The following CFAP53 variants were observed in gnomAD, a reference collection of about 807,000 sequenced individuals.
CFAP53 encodes the protein cilia and flagella associated protein 53, also known as cilia- and flagella-associated protein 53.
Under a neutral mutation model 59.7 loss-of-function variants are expected in CFAP53, and 62 were observed. That is an observed-to-expected ratio of 1.04 (90% CI 0.85 to 1.28). The LOEUF (loss-of-function observed/expected upper bound fraction) is 1.28. Ranked by LOEUF, CFAP53 falls within the 50% of genes most tolerant of loss-of-function variation. The pLI is 0.00. For missense variants in CFAP53, 629 were observed against 615.6 expected (o/e 1.02, Z -0.23); for synonymous variants, 218 against 205.7 (o/e 1.06, Z -0.51).
chr18:50,241,554 T>C (rs1599118669), intron 6 of CFAP53, among the ~76,000 whole-genome samples: 2 of 152,232 alleles, frequency 1.3e-5, no homozygotes, highest in Non-Finnish European at 1.5e-5. Context: ...TCCCTAAGTG[T>C]CGGCTGGTCT....
intron 6 of CFAP53, 82 bp from the exon 7 acceptor site, chr18:50,238,787 T>G (rs1250627198): frequency 1.0e-6 from 1 of 989,990 alleles, no homozygotes; most frequent in South Asian, 1.4e-5. Flanking sequence ...AGAGTCATAT[T>G]GTCTTTAGAA....
intron 5 of CFAP53, among the ~76,000 whole-genome samples, chr18:50,247,064 T>C (rs539184638): frequency 5.3e-4 from 81 of 151,678 alleles, no homozygotes; most frequent in African/African-American, 1.9e-3. Flanking sequence ...AAAGAACTCT[T>C]ACAATTCAAT....
At chr18:50,243,660 A>G (rs1432717737) in intron 5 of CFAP53, among the ~76,000 whole-genome samples, 1 of 152,176 alleles carries the variant, frequency 6.6e-6, no homozygotes. Flanking sequence ...TTTACAAAGT[A>G]TTGACATCTG....
At chr18:50,251,068 C>G in intron 4 of CFAP53, 92 bp from the exon 5 acceptor site, 1 of 1,038,186 alleles carries the variant, frequency 9.6e-7, no homozygotes, top group Non-Finnish European at 1.5e-6. Flanking sequence ...TAAAGGATTT[C>G]TGGAAATACA....
At chr18:50,249,735 C>T (rs1020194038) in intron 5 of CFAP53, among the ~76,000 whole-genome samples, 7 of 151,912 alleles carry the variant, frequency 4.6e-5, no homozygotes, top group Non-Finnish European at 4.4e-5. Context: ...GTAGGTGTGT[C>T]TATAAAAGGG....
intron 7 of CFAP53, 56 bp from the exon 8 acceptor site, chr18:50,227,665 T>G: frequency 7.9e-7 from 1 of 1,258,928 alleles, no homozygotes; most frequent in Non-Finnish European, 1.2e-6. Context: ...TTTAGATTTA[T>G]TCAGAGCATT....
intron 4 of CFAP53, among the ~76,000 whole-genome samples, 193 bp from the exon 5 acceptor site, chr18:50,251,169 G>A (rs1274207319): frequency 6.6e-6 from 1 of 152,248 alleles, no homozygotes; most frequent in East Asian, 1.9e-4. Flanking sequence ...GCCTGGGCAT[G>A]TGTGATTATA....
intron 3 of CFAP53, among the ~76,000 whole-genome samples, chr18:50,253,691 G>A (rs917205929): frequency 1.3e-5 from 2 of 152,126 alleles, no homozygotes; most frequent in African/African-American, 4.8e-5. Context: ...ATGAGGAAAT[G>A]GAAGCACACA....
rs148659345 is a variant in CFAP53 at position 50,227,701 on chromosome 18, C to T, written c.1317-92G>A. ...ACAATTAAAATATAATTTGTAAAGT[C>T]AAATTAAATTCCCATTAAAATCAGG... On this transcript the variant is annotated intron_variant, in intron 7 of 7. Transcript: ENST00000398545. 648 of 1,001,954 alleles carry T rather than the reference C, an allele frequency of 6.5e-4. 4 individuals carry two copies. In the African/African-American group the frequency reaches 9.6e-3, roughly 15 times the overall value. The allele number at this position is 1,001,954 out of a possible 1,614,324, so 62.1% of individuals were successfully genotyped here.
intron 5 of CFAP53, among the ~76,000 whole-genome samples, chr18:50,249,203 C>CAAAAAAAAAAAAA (rs34676585): frequency 9.5e-6 from 1 of 105,134 alleles, no homozygotes. Context: ...AATTCTATCT[C>CAAAAAAAAAAAAA]AAAAAAAAAA....
intron 3 of CFAP53, among the ~76,000 whole-genome samples, chr18:50,257,707 C>T (rs4123383): frequency 0.67 from 101,993 of 152,064 alleles, 34,473 homozygotes; most frequent in East Asian, 0.79. Flanking sequence ...ACAGACAAAA[C>T]GCAATCCCTA....
intron 6 of CFAP53, among the ~76,000 whole-genome samples, chr18:50,240,270 GATTC>G (rs1161705343): frequency 6.6e-6 from 1 of 150,704 alleles, no homozygotes; most frequent in African/African-American, 2.5e-5. Flanking sequence ...ACCCCACCCT[GATTC>G]ATTCAGATTA....
In CFAP53 at chr18:50,227,384, C is replaced by T. The variant is rs760063882; in HGVS notation, c.1542G>A (p.Pro514=). The T allele has an allele frequency of 1.1e-5, 18 of 1,610,486 alleles. No homozygotes were observed. The highest frequency in any genetic ancestry group is 4.0e-5 in the African/African-American group (3 of 74,844). Residue 514 remains proline, a synonymous_variant, in exon 8 of 8, where the codon CCG becomes CCA. Transcript: ENST00000398545. ...AGATATATTGATGCTCACGGAACTA[C>T]GGTGGAAGCTTACTGGGGCATGCCT... ...MRKACPSKLP[P]
At chr18:50,258,201 T>TTA (rs1252324917) in intron 3 of CFAP53, among the ~76,000 whole-genome samples, 8 of 152,154 alleles carry the variant, frequency 5.3e-5, no homozygotes, top group Admixed American at 4.6e-4. Flanking sequence ...TAACTTCGAA[T>TTA]TATACTACAG....
intron 6 of CFAP53, among the ~76,000 whole-genome samples, chr18:50,241,234 C>G (rs1399217031): frequency 3.3e-5 from 5 of 152,090 alleles, no homozygotes; most frequent in Non-Finnish European, 7.4e-5. Flanking sequence ...ACCTAGTAAC[C>G]AATGTGGATT....
chr18:50,227,535 G>C lies in CFAP53; in HGVS notation c.1391C>G (p.Ala464Gly), dbSNP rs749752383. ...QIAYQQQSQE[A>G]EKEEKRREFE... ...CTCTCGGCGTTTCTCTTCCTTCTCT[G>C]CTTCTTGGGACTGCTGCTGGTAGGC... The change falls in exon 8 of 8, where the codon GCA (alanine) becomes GGA (glycine). Residue 464 changes from alanine to glycine, a missense_variant. Transcript: ENST00000398545. 6.2e-6 allele frequency: 10 copies of C among 1,614,036 alleles called. No homozygotes were observed. Among genetic ancestry groups the C allele is most frequent in the Non-Finnish European group, 7.6e-6 (9 of 1,180,040 alleles).
chr18:50,231,188 C>T (rs936524977), intron 7 of CFAP53, among the ~76,000 whole-genome samples: 2 of 152,208 alleles, frequency 1.3e-5, no homozygotes, highest in Non-Finnish European at 2.9e-5. Flanking sequence ...AAGAACCATC[C>T]TATAAAATCT....
intron 3 of CFAP53, among the ~76,000 whole-genome samples, chr18:50,260,510 A>C (rs1258030573): frequency 6.6e-6 from 1 of 152,098 alleles, no homozygotes; most frequent in East Asian, 1.9e-4. Context: ...AAAAAATACA[A>C]AAAAATTAGC....
intron 2 of CFAP53, among the ~76,000 whole-genome samples, 166 bp from the exon 3 acceptor site, chr18:50,261,403 TTTTTG>T (rs2033893029): frequency 1.3e-5 from 2 of 152,116 alleles, no homozygotes; most frequent in African/African-American, 4.8e-5. Context: ...TTTGTTTTTG[TTTTTG>T]TTTTGAGACA....
Sources: allele counts gnomAD v4.1 joint callset (sites outside exome capture counted in the v4.1 genomes callset), GRCh38; gene constraint gnomAD v4.1.1; transcripts MANE v1.5; gene names NCBI Gene and HGNC (gene_info 2026-07-23, HGNC 2026-07-21).